The following MNS1 variants were observed in gnomAD, a reference collection of about 807,000 sequenced individuals.
MNS1 encodes the protein meiosis specific nuclear structural 1, also known as meiosis-specific nuclear structural protein 1.
MNS1 carries 63 observed loss-of-function variants against 72.0 expected under a neutral mutation model. The observed-to-expected ratio is 0.87, with a 90% CI of 0.71 to 1.08. The LOEUF (loss-of-function observed/expected upper bound fraction) is 1.08, where lower values mean the gene tolerates loss of function less well. Ranked by LOEUF, MNS1 falls within the 50% of genes least tolerant of loss-of-function variation. MNS1 has a pLI of 0.00. For missense variants in MNS1, 604 were observed against 562.4 expected, an observed-to-expected ratio of 1.07 and a Z score of -0.75; for synonymous variants, 188 against 172.1, an observed-to-expected ratio of 1.09 and a Z score of -0.72.
At chr15:56,464,830 G>T in intron 1 of MNS1, 140 bp downstream of exon 1, 1 of 1,243,378 alleles carries the variant, frequency 8.0e-7, no homozygotes, top group Non-Finnish European at 1.1e-6. Flanking sequence ...AATAGCACCT[G>T]AAGCCTCCGA....
intron 7 of MNS1, among the ~76,000 whole-genome samples, chr15:56,439,842 G>A (rs1274385507): frequency 6.7e-6 from 1 of 149,194 alleles, no homozygotes; most frequent in East Asian, 1.9e-4. Context: ...ACTAGGCGAA[G>A]AGTTTCTAGA....
chr15:56,446,765 A>T (rs2050907488), intron 4 of MNS1, 76 bp downstream of exon 4: 4 of 1,088,460 alleles, frequency 3.7e-6, no homozygotes, highest in Non-Finnish European at 4.0e-6. Flanking sequence ...ATACAATATG[A>T]CAATTTTTTA....
chr15:56,437,003 C>T (rs2050737371), intron 7 of MNS1, among the ~76,000 whole-genome samples: 1 of 152,124 alleles, frequency 6.6e-6, no homozygotes, highest in Admixed American at 6.5e-5. Flanking sequence ...GATGGATTCA[C>T]AGCCGAATTC....
At chr15:56,448,270 T>C (rs2050922336) in intron 3 of MNS1, among the ~76,000 whole-genome samples, 1 of 152,196 alleles carries the variant, frequency 6.6e-6, no homozygotes, top group Non-Finnish European at 1.5e-5. Flanking sequence ...TTTTAGATAC[T>C]GGGGGTACAT....
intron 3 of MNS1, among the ~76,000 whole-genome samples, chr15:56,450,068 C>T (rs1452612181): frequency 6.6e-6 from 1 of 152,088 alleles, no homozygotes; most frequent in African/African-American, 2.4e-5. Context: ...TTTATTATTG[C>T]CTTCCTCCTA....
Position 56,460,009 on chromosome 15 carries a change from A to AAAAAAAAAAAAAATATATATATATATAT in MNS1, c.226-3489_226-3488insATATATATATATATATTTTTTTTTTTTT. On this transcript the variant is annotated intron_variant, in intron 2 of 9. Transcript: ENST00000260453. ...CTGTCTCAAAAAAAAAAAAAAAAAA[A>AAAAAAAAAAAAAATATATATATATATAT]ATACATATATATATATATATATATA... 2.7e-4 allele frequency among the ~76,000 whole-genome samples: 7 copies of AAAAAAAAAAAAAATATATATATATATAT among 26,380 alleles called. 1 individual carries two copies. Among genetic ancestry groups the AAAAAAAAAAAAAATATATATATATATAT allele is most frequent in the African/African-American group, 4.5e-4 (3 of 6,650 alleles). The allele number at this position is 26,380 out of a possible 152,430, so 17.3% of individuals were successfully genotyped here.
At chr15:56,455,852 G>C (rs1230668980) in intron 3 of MNS1, among the ~76,000 whole-genome samples, 1 of 152,066 alleles carries the variant, frequency 6.6e-6, no homozygotes, top group Admixed American at 6.6e-5. Context: ...AAGGAACAAG[G>C]GATAGCTAAC....
chr15:56,429,123 C>T lies in MNS1; in HGVS notation c.1466G>A (p.Ser489Asn). The T allele has an allele frequency of 6.3e-7, 1 of 1,597,326 alleles. No homozygotes were observed. Among genetic ancestry groups the T allele is most frequent in the Non-Finnish European group, 8.5e-7 (1 of 1,172,590 alleles). Residue 489 changes from serine (S) to asparagine (N), a missense_variant, in exon 10 of 10, where the codon AGT becomes AAT. Coordinates refer to ENST00000260453, the MANE Select transcript of MNS1 (RefSeq NM_018365.4). ...ATATCATTTCTCTTCACAAATTTCA[C>T]TCCTTTGTTGATATACTTTCCTGAA... is the stretch of plus-strand genomic sequence containing the variant. ...EEFRKVYQQR[S>N]EICEEK
At chr15:56,442,426 G>A (rs1473243881) in intron 7 of MNS1, among the ~76,000 whole-genome samples, 1 of 152,122 alleles carries the variant, frequency 6.6e-6, no homozygotes, top group African/African-American at 2.4e-5. Flanking sequence ...TTACCATAAT[G>A]ACACATGCAT....
chr15:56,452,933 G>C (rs811258), intron 3 of MNS1, among the ~76,000 whole-genome samples: 152,174 of 152,318 alleles, frequency 1, 76,015 homozygotes, highest in Non-Finnish European at 1. Flanking sequence ...AACTTGCAAG[G>C]AGGACTTTCT....
intron 4 of MNS1, chr15:56,446,072 T>C (rs1415585133): frequency 6.6e-6 from 1 of 152,060 alleles, no homozygotes; most frequent in African/African-American, 2.4e-5. Flanking sequence ...GTGTCATTTA[T>C]GGTATCTATT....
At chr15:56,461,078 T>C (rs949670746) in intron 2 of MNS1, among the ~76,000 whole-genome samples, 1 of 152,092 alleles carries the variant, frequency 6.6e-6, no homozygotes, top group Admixed American at 6.6e-5. Context: ...GCATGAAGAA[T>C]TCTGTCTTAT....
At chr15:56,463,899 A>C (rs756662251) in intron 2 of MNS1, 127 bp downstream of exon 2, 54 of 734,694 alleles carry the variant, frequency 7.3e-5, no homozygotes, top group Non-Finnish European at 1.1e-4. Context: ...CACCGAGCTG[A>C]GGCACAATCA....
chr15:56,446,916 TTTC>T lies in MNS1; in HGVS notation c.378_380del (p.Lys127del), dbSNP rs746106747. On this transcript the variant is annotated inframe_deletion, in exon 4 of 10. Transcript: ENST00000260453. ...CTTTATTCATGTAAGCTGCTTTTAA[TTTC>T]TTCTCCAATTCTCTAAGCTCAATGC... 2.5e-6 allele frequency: 4 copies of T among 1,609,460 alleles called. No homozygotes were observed. The highest frequency in any genetic ancestry group is 2.5e-6 in the Non-Finnish European group (3 of 1,179,072).
rs1434816619 is a variant in MNS1 at position 56,429,267 on chromosome 15, C to T, written c.1396-74G>A. 4.3e-6 allele frequency: 4 copies of T among 938,088 alleles called. No individual in the cohort carries two copies. In the East Asian group the frequency reaches 1.0e-4, roughly 24 times the overall value. The allele number at this position is 938,088 out of a possible 1,614,324, so 58.1% of individuals were successfully genotyped here. A position where few individuals can be genotyped will look rare whatever the true frequency, so the allele number is the denominator to read the frequency against. On this transcript the variant is annotated intron_variant, in intron 9 of 9. Transcript: ENST00000260453. ...ACTAAATGCTTTTAAGACTGACAGACATAAGATTAGTAAAGTTATCTCCAA... is the reference window on the plus strand; with the variant it reads ...ACTAAATGCTTTTAAGACTGACAGATATAAGATTAGTAAAGTTATCTCCAA...
chr15:56,431,528 C>T (rs1386106516), intron 8 of MNS1, 30 bp from the exon 9 acceptor site: 1 of 1,611,792 alleles, frequency 6.2e-7, no homozygotes, highest in Admixed American at 1.7e-5. Context: ...TTTGTTATCA[C>T]AAAGTACATT....
intron 2 of MNS1, among the ~76,000 whole-genome samples, chr15:56,460,142 T>C (rs751674677): frequency 2.0e-5 from 3 of 149,938 alleles, no homozygotes; most frequent in Non-Finnish European, 3.0e-5. Context: ...AGGTTTCACT[T>C]ATATAGGCAG....
chr15:56,461,598 T>C (rs1443598131), intron 2 of MNS1, among the ~76,000 whole-genome samples: 15 of 143,432 alleles, frequency 1.0e-4, no homozygotes, highest in Non-Finnish European at 6.0e-5. Flanking sequence ...AAGGCGGAGG[T>C]TGCAGTGAGC....
intron 2 of MNS1, among the ~76,000 whole-genome samples, chr15:56,457,912 C>G (rs1481909752): frequency 6.6e-6 from 1 of 151,946 alleles, no homozygotes; most frequent in African/African-American, 2.4e-5. Flanking sequence ...ATTTAAAAAC[C>G]TGTATACAAA....
Sources: allele counts gnomAD v4.1 joint callset (sites outside exome capture counted in the v4.1 genomes callset), GRCh38; gene constraint gnomAD v4.1.1; transcripts MANE v1.5; gene names NCBI Gene and HGNC (gene_info 2026-07-23, HGNC 2026-07-21).